Variants in SPOCK3 observed in about 807,000 individuals in gnomAD.
The protein encoded by SPOCK3 is SPARC (osteonectin), cwcv and kazal like domains proteoglycan 3.
SPOCK3 carries 30 observed loss-of-function variants against 56.6 expected under a neutral mutation model. The ratio of observed to expected loss-of-function variants is 0.53; its 90% CI spans 0.40 to 0.72. SPOCK3 has a LOEUF of 0.72. SPOCK3 is among the 30% of genes least tolerant of loss of function. The pLI, the probability that SPOCK3 is intolerant of heterozygous loss-of-function variation, is 0.00. For synonymous variants in SPOCK3, 196 were observed against 183.3 expected (o/e 1.07, Z -0.56); for missense variants, 527 against 530.0 (o/e 0.99, Z 0.06).
intron 2 of SPOCK3, among the ~76,000 whole-genome samples, chr4:167,233,454 A>G (rs1235871264): frequency 6.6e-6 from 1 of 152,172 alleles, no homozygotes; most frequent in East Asian, 1.9e-4. Flanking sequence ...CTGATCGACA[A>G]TTTTATGTAA....
At chr4:166,943,298 T>A (rs529087912) in intron 4 of SPOCK3, among the ~76,000 whole-genome samples, 1 of 152,170 alleles carries the variant, frequency 6.6e-6, no homozygotes, top group Non-Finnish European at 1.5e-5. Context: ...CGGCCACTCA[T>A]AGCTACTGGT....
At chr4:166,770,671 C>T (rs1004550320) in intron 7 of SPOCK3, among the ~76,000 whole-genome samples, 6 of 151,988 alleles carry the variant, frequency 3.9e-5, no homozygotes, top group South Asian at 2.1e-4. Context: ...TAAACACAAC[C>T]GTATTGACAA....
At chr4:167,043,358 G>A (rs1447700911) in intron 3 of SPOCK3, among the ~76,000 whole-genome samples, 2 of 151,956 alleles carry the variant, frequency 1.3e-5, no homozygotes, top group African/African-American at 2.4e-5. Context: ...TTAATTCCAG[G>A]AGGTTTTGTT....
chr4:166,939,314 T>C (rs528888845), intron 4 of SPOCK3, among the ~76,000 whole-genome samples: 12 of 152,256 alleles, frequency 7.9e-5, no homozygotes, highest in African/African-American at 2.9e-4. Flanking sequence ...ATTTATTCTT[T>C]CCATACATAT....
In SPOCK3 at chr4:166,947,699, T is replaced by A. The variant is rs532578124; in HGVS notation, c.351-34956A>T. ...AGATTGTACTAAAACATTCTCTGTG[T>A]TACTTCTTTTATTTCTTTTACAAAT... On this transcript the variant is annotated intron_variant, in intron 4 of 10. Transcript: ENST00000357545. Among the ~76,000 whole-genome samples the A allele has an allele frequency of 3.5e-4, 54 of 152,274 alleles. 2 individuals carry two copies. In the South Asian group the frequency reaches 8.9e-3, roughly 25 times the overall value.
intron 5 of SPOCK3, among the ~76,000 whole-genome samples, chr4:166,907,381 C>T (rs1395571794): frequency 2.0e-5 from 3 of 152,030 alleles, no homozygotes; most frequent in Non-Finnish European, 2.9e-5. Flanking sequence ...TCAAAGGCAC[C>T]AGTCATTGAT....
intron 5 of SPOCK3, among the ~76,000 whole-genome samples, chr4:166,899,833 T>C (rs567715460): frequency 6.6e-6 from 1 of 152,280 alleles, no homozygotes; most frequent in South Asian, 2.1e-4. Flanking sequence ...CTATATTTCT[T>C]AGAGCTATGC....
intron 2 of SPOCK3, among the ~76,000 whole-genome samples, chr4:167,116,803 A>G (rs1370815306): frequency 1.4e-5 from 2 of 140,742 alleles, no homozygotes; most frequent in East Asian, 4.1e-4. Flanking sequence ...ATACACATAA[A>G]TACACATATA....
Position 166,889,221 on chromosome 4 carries a change from A to G in SPOCK3, c.498T>C (p.Cys166=). 2.5e-6 allele frequency: 4 copies of G among 1,610,558 alleles called. No homozygotes were observed. In the South Asian group the frequency reaches 4.4e-5, roughly 18 times the overall value. ...SFQCKLEYQA[C]VLGKQISVKC... is the part of the protein sequence containing the mutation. ...TGACTGAGATCTGTTTTCCTAAGAC[A>G]CATGCCTGATATTCTAGTTTGCACT... The change falls in exon 6 of 11, where the codon TGT becomes TGC. Residue 166 remains cysteine, a synonymous_variant. Coordinates refer to ENST00000357545, the MANE Select transcript of SPOCK3 (RefSeq NM_001040159.2).
At chr4:166,976,750 T>C (rs1195872616) in intron 4 of SPOCK3, among the ~76,000 whole-genome samples, 1 of 152,126 alleles carries the variant, frequency 6.6e-6, no homozygotes, top group Admixed American at 6.6e-5. Flanking sequence ...AAATATTTAC[T>C]TAAGTGGTGC....
intron 3 of SPOCK3, among the ~76,000 whole-genome samples, chr4:167,011,892 T>C (rs546860327): frequency 6.6e-6 from 1 of 152,202 alleles, no homozygotes; most frequent in Non-Finnish European, 1.5e-5. Flanking sequence ...TCTTTTAGGG[T>C]ATACATTTTG....
At chr4:166,957,982 G>A (rs2150051186) in intron 4 of SPOCK3, among the ~76,000 whole-genome samples, 1 of 152,276 alleles carries the variant, frequency 6.6e-6, no homozygotes, top group African/African-American at 2.4e-5. Context: ...ATTTAGAAAT[G>A]TGAGAAGGAC....
chr4:166,777,096 G>T (rs931222626), intron 7 of SPOCK3, among the ~76,000 whole-genome samples: 8 of 152,078 alleles, frequency 5.3e-5, no homozygotes, highest in Admixed American at 2.6e-4. Flanking sequence ...AATAATAAAT[G>T]TAAGCAAACA....
intron 4 of SPOCK3, among the ~76,000 whole-genome samples, chr4:166,993,388 T>C (rs1422495622): frequency 3.0e-4 from 45 of 152,146 alleles, no homozygotes; most frequent in Admixed American, 2.9e-3. Context: ...CATGGGGACA[T>C]AGGCAATGCT....
intron 2 of SPOCK3, among the ~76,000 whole-genome samples, chr4:167,217,610 G>T (rs528275368): frequency 3.3e-5 from 5 of 151,932 alleles, no homozygotes; most frequent in Non-Finnish European, 5.9e-5. Context: ...GACTGTATAT[G>T]AAAATATTTC....
At chr4:166,754,271 T>A in intron 8 of SPOCK3, 1 of 1,234,302 alleles carries the variant, frequency 8.1e-7, no homozygotes, top group Non-Finnish European at 1.0e-6. Flanking sequence ...GAAACTATAA[T>A]GTAGTGGCAT....
At chr4:167,209,993 CTT>C (rs1339913240) in intron 2 of SPOCK3, among the ~76,000 whole-genome samples, 1 of 152,102 alleles carries the variant, frequency 6.6e-6, no homozygotes, top group Non-Finnish European at 1.5e-5. Context: ...CTTCCTCTGA[CTT>C]TGTGGATATC....
intron 2 of SPOCK3, among the ~76,000 whole-genome samples, chr4:167,064,915 G>A (rs889825278): frequency 2.0e-5 from 3 of 151,074 alleles, no homozygotes; most frequent in African/African-American, 4.9e-5. Flanking sequence ...ATGTCTGTCA[G>A]TGTCTTTGGG....
intron 9 of SPOCK3, among the ~76,000 whole-genome samples, chr4:166,738,223 T>G (rs1734418484): frequency 6.6e-6 from 1 of 151,762 alleles, no homozygotes. Flanking sequence ...TCTTCCATTC[T>G]CTGTGTGTGT....
Sources: gnomAD v4.1 joint callset for allele counts (sites outside exome capture counted in the v4.1 genomes callset) on GRCh38, gnomAD v4.1.1 for gene constraint, MANE v1.5 for transcripts, NCBI Gene and HGNC (gene_info 2026-07-23, HGNC 2026-07-21) for gene names.